STAM2: variants seen among roughly 807,000 people sequenced by gnomAD.
STAM2 encodes the protein signal transducing adapter molecule 2.
In STAM2, 51 loss-of-function variants were observed where a neutral mutation model predicts 65.6. The observed-to-expected ratio is 0.78, with a 90% CI of 0.62 to 0.98. STAM2 has a LOEUF of 0.98. STAM2 is among the 50% of genes least tolerant of loss of function. The pLI, the probability that STAM2 is intolerant of heterozygous loss-of-function variation, is 0.00. For synonymous variants in STAM2, 198 were observed against 208.4 expected, an observed-to-expected ratio of 0.95 and a Z score of 0.43; for missense variants, 584 against 617.8, an observed-to-expected ratio of 0.95 and a Z score of 0.58.
chr2:152,136,892 C>CTTTTTTTT (rs746931542), intron 7 of STAM2, among the ~76,000 whole-genome samples: 2 of 130,108 alleles, frequency 1.5e-5, no homozygotes, highest in Non-Finnish European at 3.3e-5. Flanking sequence ...AAACATTTTT[C>CTTTTTTTT]TTTTTTTTTT....
In STAM2 at chr2:152,135,520, T is replaced by A. The variant is rs1579316555; in HGVS notation, c.788A>T (p.Glu263Val). Residue 263 changes from glutamate (E) to valine (V), a missense_variant, in exon 8 of 14, where the codon GAG becomes GTG. By Grantham distance (121) the Glu-to-Val change is moderately radical (BLOSUM62 -2). Coordinates refer to ENST00000263904, the MANE Select transcript of STAM2 (RefSeq NM_005843.6). ...SNFVTTNLNI[E>V]TEAAAVDKLN... is the part of the protein sequence containing the mutation. ...AAGATTTAACTTACCTGCCTCAGTC[T>A]CTATGTTTAAATTAGTTGTTACAAA... 3 of 1,608,862 alleles carry A rather than the reference T, an allele frequency of 1.9e-6. No homozygotes were observed. Among genetic ancestry groups the A allele is most frequent in the East Asian group, 2.2e-5 (1 of 44,746 alleles).
intron 1 of STAM2, among the ~76,000 whole-genome samples, chr2:152,172,911 A>G (rs1331073551): frequency 6.6e-6 from 1 of 151,898 alleles, no homozygotes; most frequent in African/African-American, 2.4e-5. Flanking sequence ...GAAGGAGAGG[A>G]TAGTGTCAAC....
chr2:152,123,764 A>C lies in STAM2; in HGVS notation c.1349+2T>G. 2 of 1,613,378 alleles carry C rather than the reference A, an allele frequency of 1.2e-6. No individual in the cohort carries two copies. The highest frequency in any genetic ancestry group is 2.2e-5 in the South Asian group (2 of 90,764). On this transcript the variant is annotated splice_donor_variant, in intron 13 of 13. Coordinates refer to ENST00000263904, the MANE Select transcript of STAM2 (RefSeq NM_005843.6). LOFTEE classifies it high-confidence loss of function. ...AAAATTAACACAGCTCCCAAAACTT[A>C]CCTTAAATATGAAGTTTGAGCAGGC... is the stretch of plus-strand genomic sequence containing the variant.
chr2:152,144,157 G>C, intron 6 of STAM2, 144 bp from the exon 7 acceptor site: 1 of 575,520 alleles, frequency 1.7e-6, no homozygotes, highest in Non-Finnish European at 2.9e-6. Flanking sequence ...GGAGGGTGGG[G>C]CAGGGCAGGG....
At chr2:152,170,592 C>T (rs988502510) in intron 1 of STAM2, among the ~76,000 whole-genome samples, 6 of 152,088 alleles carry the variant, frequency 3.9e-5, no homozygotes, top group African/African-American at 9.7e-5. Context: ...AAGTCATGTT[C>T]GTCAATAGGA....
intron 1 of STAM2, among the ~76,000 whole-genome samples, chr2:152,157,180 G>T (rs1689570978): frequency 6.6e-6 from 1 of 152,184 alleles, no homozygotes; most frequent in South Asian, 2.1e-4. Flanking sequence ...TAAGCACAGT[G>T]ATTAACCAGA....
Position 152,120,484 on chromosome 2 carries a change from A to C in STAM2, c.*90T>G. On this transcript the variant is annotated 3_prime_UTR_variant, in exon 14 of 14. Coordinates refer to ENST00000263904, the MANE Select transcript of STAM2 (RefSeq NM_005843.6). ...TTATTCATGGTCCTTTTGAGTTGAGAGGGAAAAAAGTTTTAATATTTTCAG... is the reference window on the plus strand; with the variant it reads ...TTATTCATGGTCCTTTTGAGTTGAGCGGGAAAAAAGTTTTAATATTTTCAG... 1.9e-6 allele frequency: 2 copies of C among 1,064,992 alleles called. No homozygotes were observed. The highest frequency in any genetic ancestry group is 2.8e-6 in the Non-Finnish European group (2 of 726,816). The allele number at this position is 1,064,992 out of a possible 1,614,324, so 66.0% of individuals were successfully genotyped here.
chr2:152,118,812 C>T lies in STAM2; in HGVS notation c.*1762G>A, dbSNP rs1255693330. On this transcript the variant is annotated 3_prime_UTR_variant, in exon 14 of 14. Transcript: ENST00000263904. Reference sequence around the variant, plus strand: ...AATTGAATTAACATAAAGGAAAATACTGAATAAAAAACAGAACATGAGATA... The same window carrying T: ...AATTGAATTAACATAAAGGAAAATATTGAATAAAAAACAGAACATGAGATA... 4 of 151,768 alleles carry T rather than the reference C, an allele frequency of 2.6e-5. No homozygotes were observed. The highest frequency in any genetic ancestry group is 9.7e-5 in the African/African-American group (4 of 41,328). 9.4% of individuals were successfully genotyped at this position (151,768 alleles called of 1,614,324 possible).
intron 9 of STAM2, 23 bp downstream of exon 9, chr2:152,133,379 A>C: frequency 6.3e-7 from 1 of 1,583,972 alleles, no homozygotes. Flanking sequence ...TAGTTTAACT[A>C]TTAAACAAAA....
chr2:152,154,291 A>G (rs569732900), intron 1 of STAM2, among the ~76,000 whole-genome samples: 1 of 152,322 alleles, frequency 6.6e-6, no homozygotes, highest in South Asian at 2.1e-4. Context: ...CTTACCAATC[A>G]GGTGTCATCA....
chr2:152,149,496 C>CTTTTTT (rs70974823), intron 2 of STAM2, among the ~76,000 whole-genome samples: 1 of 126,608 alleles, frequency 7.9e-6, no homozygotes, highest in Non-Finnish European at 1.6e-5. Flanking sequence ...ATAGTCTACT[C>CTTTTTT]TTTTTTTTTT....
intron 9 of STAM2, 35 bp downstream of exon 9, chr2:152,133,367 G>T: frequency 6.5e-7 from 1 of 1,549,286 alleles, no homozygotes; most frequent in Non-Finnish European, 8.9e-7. Context: ...TAAATGTCTT[G>T]ATAGTTTAAC....
rs368247870 is a variant in STAM2, at chr2:152,144,965, T to C, written c.448-8A>G. 70 of 1,608,818 alleles carry C rather than the reference T, an allele frequency of 4.4e-5. No homozygotes were observed. The highest frequency in any genetic ancestry group is 5.6e-5 in the Non-Finnish European group (66 of 1,175,412). ...GGCAGCAGCTGAGACAGTCTGTAAA[T>C]GTATGAGTAAAATGAACACAACTAT... is the stretch of plus-strand genomic sequence containing the variant. On this transcript the variant is annotated splice_polypyrimidine_tract_variant and splice_region_variant and intron_variant, in intron 5 of 13. Coordinates refer to ENST00000263904, the MANE Select transcript of STAM2 (RefSeq NM_005843.6).
At chr2:152,126,916 CTTT>C (rs1209151922) in intron 11 of STAM2, among the ~76,000 whole-genome samples, 4 of 152,146 alleles carry the variant, frequency 2.6e-5, no homozygotes, top group Non-Finnish European at 5.9e-5. Context: ...TGATTGGTTG[CTTT>C]TTGCAACCAA....
rs927634863 is a variant in STAM2, at chr2:152,150,863, G to A, written c.41-634C>T. Among the ~76,000 whole-genome samples, 5 of 152,024 alleles carry A rather than the reference G, an allele frequency of 3.3e-5. No individual in the cohort carries two copies. In the East Asian group the frequency reaches 9.7e-4, roughly 29 times the overall value. ...AATATGCACTACACTGTCCAATAAA[G>A]CATTGGTTTTGTAAATTTTTTTAAT... On this transcript the variant is annotated intron_variant, in intron 1 of 13. Coordinates refer to ENST00000263904, the MANE Select transcript of STAM2 (RefSeq NM_005843.6).
At chr2:152,135,840 A>C (rs1689143881) in intron 7 of STAM2, among the ~76,000 whole-genome samples, 1 of 152,232 alleles carries the variant, frequency 6.6e-6, no homozygotes, top group Non-Finnish European at 1.5e-5. Context: ...CTATAATCCC[A>C]ACACTTTGGG....
chr2:152,131,961 A>C, intron 11 of STAM2, 153 bp downstream of exon 11: 1 of 578,288 alleles, frequency 1.7e-6, no homozygotes, highest in East Asian at 3.0e-5. Flanking sequence ...AAAAAGCACC[A>C]CCTTGCTATA....
intron 1 of STAM2, among the ~76,000 whole-genome samples, chr2:152,165,005 G>A (rs970025231): frequency 1.3e-5 from 2 of 151,924 alleles, no homozygotes; most frequent in Non-Finnish European, 2.9e-5. Flanking sequence ...TCCACAAAAC[G>A]AGCACACTCA....
intron 1 of STAM2, among the ~76,000 whole-genome samples, chr2:152,154,578 A>G (rs1689508244): frequency 6.6e-6 from 1 of 152,192 alleles, no homozygotes. Flanking sequence ...AGATCGCACC[A>G]CTGCACTCCA....
Sources: gnomAD v4.1 joint callset for allele counts (sites outside exome capture counted in the v4.1 genomes callset) on GRCh38, gnomAD v4.1.1 for gene constraint, MANE v1.5 for transcripts, NCBI Gene and HGNC (gene_info 2026-07-23, HGNC 2026-07-21) for gene names.